Variants in NRG3 observed in about 807,000 individuals in gnomAD.
NRG3 encodes the protein pro-neuregulin-3, membrane-bound isoform.
NRG3 carries 31 observed loss-of-function variants against 66.9 expected under a neutral mutation model. The observed-to-expected ratio is 0.46, with a 90% CI of 0.35 to 0.63. NRG3 has a LOEUF of 0.63. Among genes scored for constraint, NRG3 ranks in the 20% least tolerant of loss-of-function variants. NRG3 has a pLI of 0.00. For missense variants in NRG3, 910 were observed against 878.9 expected, an observed-to-expected ratio of 1.04 and a Z score of -0.45; for synonymous variants, 393 against 359.4, an observed-to-expected ratio of 1.09 and a Z score of -1.06.
intron 1 of NRG3, among the ~76,000 whole-genome samples, chr10:82,217,267 C>T (rs1210451976): frequency 1.3e-5 from 2 of 152,152 alleles, no homozygotes; most frequent in Non-Finnish European, 2.9e-5. Context: ...AAGCTGTAAG[C>T]TGGTAGTTAG....
intron 2 of NRG3, among the ~76,000 whole-genome samples, chr10:82,539,497 A>G (rs916492482): frequency 2.6e-5 from 4 of 152,322 alleles, no homozygotes; most frequent in Non-Finnish European, 5.9e-5. Flanking sequence ...CATGAATGCT[A>G]AGTCAGGACA....
At chr10:82,447,506 C>T (rs1029708312) in intron 2 of NRG3, among the ~76,000 whole-genome samples, 3 of 152,204 alleles carry the variant, frequency 2.0e-5, no homozygotes, top group Admixed American at 2.0e-4. Flanking sequence ...CAAAATTTCA[C>T]TCACACTTTA....
intron 2 of NRG3, among the ~76,000 whole-genome samples, chr10:82,463,385 G>C (rs1049216228): frequency 6.6e-6 from 1 of 152,002 alleles, no homozygotes; most frequent in Non-Finnish European, 1.5e-5. Context: ...CTCTCTCTCT[G>C]TCTTCTCTCA....
chr10:82,779,507 A>G (rs1245119072), intron 3 of NRG3, among the ~76,000 whole-genome samples: 1 of 152,118 alleles, frequency 6.6e-6, no homozygotes, highest in Non-Finnish European at 1.5e-5. Flanking sequence ...GTTTTGGTGG[A>G]GAGGGATGAG....
At chr10:82,130,798 T>C (rs2068767333) in intron 1 of NRG3, among the ~76,000 whole-genome samples, 1 of 152,202 alleles carries the variant, frequency 6.6e-6, no homozygotes, top group Admixed American at 6.5e-5. Context: ...TCAGTGTTGT[T>C]AAGCACCTTT....
chr10:82,190,657 G>A (rs1333942537), intron 1 of NRG3, among the ~76,000 whole-genome samples: 1 of 152,130 alleles, frequency 6.6e-6, no homozygotes, highest in Non-Finnish European at 1.5e-5. Context: ...AAACAAATTG[G>A]TTTACTCCTC....
intron 1 of NRG3, among the ~76,000 whole-genome samples, chr10:81,980,500 G>A (rs893123731): frequency 6.6e-6 from 1 of 152,124 alleles, no homozygotes; most frequent in African/African-American, 2.4e-5. Context: ...CCATGACTTT[G>A]AGATGCTATA....
At chr10:82,142,527 G>A (rs773569902) in intron 1 of NRG3, among the ~76,000 whole-genome samples, 6 of 152,078 alleles carry the variant, frequency 3.9e-5, no homozygotes, top group East Asian at 3.9e-4. Context: ...CAGTTTACAC[G>A]TTTCTAAGCT....
intron 1 of NRG3, among the ~76,000 whole-genome samples, chr10:82,047,010 G>A (rs555278387): frequency 2.3e-5 from 3 of 128,022 alleles, no homozygotes; most frequent in African/African-American, 5.0e-5. Context: ...TGTTCATCAA[G>A]GATATTGGTC....
At chr10:82,071,277 T>C (rs1170521447) in intron 1 of NRG3, among the ~76,000 whole-genome samples, 1 of 152,154 alleles carries the variant, frequency 6.6e-6, no homozygotes, top group Non-Finnish European at 1.5e-5. Flanking sequence ...GAGTAAAGCA[T>C]GTTTTGCATC....
At chr10:82,916,047 T>G (rs1181955001) in intron 4 of NRG3, among the ~76,000 whole-genome samples, 1 of 152,214 alleles carries the variant, frequency 6.6e-6, no homozygotes, top group African/African-American at 2.4e-5. Context: ...CCAAAAAATA[T>G]ATCATGTTCT....
At chr10:82,711,269 T>C (rs975897894) in intron 2 of NRG3, among the ~76,000 whole-genome samples, 7 of 151,998 alleles carry the variant, frequency 4.6e-5, no homozygotes, top group African/African-American at 1.7e-4. Context: ...TTTATTTTTT[T>C]AGAGATGGAG....
chr10:82,926,199 T>A (rs1216111965), intron 4 of NRG3, among the ~76,000 whole-genome samples: 1 of 152,160 alleles, frequency 6.6e-6, no homozygotes, highest in African/African-American at 2.4e-5. Flanking sequence ...GCTAATGAAG[T>A]GATGTGTAGG....
intron 1 of NRG3, among the ~76,000 whole-genome samples, chr10:82,351,918 G>A (rs1043144321): frequency 1.3e-5 from 2 of 152,152 alleles, no homozygotes; most frequent in Non-Finnish European, 2.9e-5. Flanking sequence ...TGGATTTGTA[G>A]GCCACTCAGT....
intron 3 of NRG3, among the ~76,000 whole-genome samples, chr10:82,806,479 G>A (rs2061288930): frequency 6.6e-6 from 1 of 152,152 alleles, no homozygotes; most frequent in Non-Finnish European, 1.5e-5. Flanking sequence ...CATGTATGAG[G>A]TATTGGGTAA....
chr10:82,871,035 G>T (rs1316240914), intron 4 of NRG3, among the ~76,000 whole-genome samples: 25 of 152,098 alleles, frequency 1.6e-4, no homozygotes, highest in Admixed American at 1.6e-3. Flanking sequence ...TGATCTGCTA[G>T]GAGTGTTATA....
chr10:82,641,424 G>C (rs375700431), intron 2 of NRG3, among the ~76,000 whole-genome samples: 2 of 151,948 alleles, frequency 1.3e-5, no homozygotes, highest in East Asian at 3.9e-4. Context: ...ACTATTTATG[G>C]GCTTGCAATG....
intron 1 of NRG3, among the ~76,000 whole-genome samples, chr10:82,207,394 C>G (rs2075171812): frequency 6.6e-6 from 1 of 152,116 alleles, no homozygotes; most frequent in Admixed American, 6.5e-5. Flanking sequence ...GTTACTTTAC[C>G]TGTCCATGAT....
chr10:82,561,596 TG>T (rs993297457), intron 2 of NRG3, among the ~76,000 whole-genome samples: 13 of 152,280 alleles, frequency 8.5e-5, no homozygotes, highest in Admixed American at 4.6e-4. Flanking sequence ...GAGGTTGCAG[TG>T]GGCCAAGATG....
Sources: allele counts gnomAD v4.1 joint callset (sites outside exome capture counted in the v4.1 genomes callset), GRCh38; gene constraint gnomAD v4.1.1; transcripts MANE v1.5; gene names NCBI Gene and HGNC (gene_info 2026-07-23, HGNC 2026-07-21).